Variants in PRKAA2 observed in about 807,000 individuals in gnomAD.
PRKAA2 encodes the protein protein kinase AMP-activated catalytic subunit alpha 2.
Under a neutral mutation model 56.3 loss-of-function variants are expected in PRKAA2, and 40 were observed. That is an observed-to-expected ratio of 0.71 (90% CI 0.55 to 0.92). The LOEUF is 0.92. Among genes scored for constraint, PRKAA2 ranks in the 40% least tolerant of loss-of-function variants. The probability of loss-of-function intolerance (pLI) is 0.00; values close to 1 mark genes in which losing one functional copy is unlikely to be tolerated. For synonymous variants in PRKAA2, 214 were observed against 234.2 expected, an observed-to-expected ratio of 0.91 and a Z score of 0.79; for missense variants, 542 against 686.9, an observed-to-expected ratio of 0.79 and a Z score of 2.36.
intron 1 of PRKAA2, among the ~76,000 whole-genome samples, chr1:56,653,029 A>T (rs1479851562): frequency 1.3e-5 from 2 of 152,130 alleles, no homozygotes; most frequent in Non-Finnish European, 2.9e-5. Context: ...GATGAATGAA[A>T]CAAGAATGAA....
At chr1:56,686,359 C>T (rs189363758) in intron 2 of PRKAA2, among the ~76,000 whole-genome samples, 7 of 152,294 alleles carry the variant, frequency 4.6e-5, no homozygotes, top group African/African-American at 1.7e-4. Context: ...TATGACTCAG[C>T]AGTTGCACTC....
In PRKAA2 at chr1:56,704,169, C is replaced by T. The variant is rs1211066064; in HGVS notation, c.987C>T (p.Asp329=). ...CAGTGGCTTATCATCTTATCATTGA[C>T]AATCGGAGAATAATGAACCAAGCCA... is the stretch of plus-strand genomic sequence containing the variant. ...QLAVAYHLII[D]NRRIMNQASE... Residue 329 remains aspartate (D), a synonymous_variant, in exon 7 of 9, where the codon GAC becomes GAT. Coordinates refer to ENST00000371244, the MANE Select transcript of PRKAA2 (RefSeq NM_006252.4). The T allele has an allele frequency of 1.2e-6, 2 of 1,614,114 alleles. No homozygotes were observed. Among genetic ancestry groups the T allele is most frequent in the Non-Finnish European group, 1.7e-6 (2 of 1,179,984 alleles).
intron 1 of PRKAA2, among the ~76,000 whole-genome samples, chr1:56,648,796 C>G (rs1415774765): frequency 2.6e-5 from 4 of 152,092 alleles, no homozygotes; most frequent in African/African-American, 9.7e-5. Context: ...TTTGCGTTTC[C>G]CTAAGGACTA....
At chr1:56,665,077 CTTT>C (rs76211899) in intron 1 of PRKAA2, among the ~76,000 whole-genome samples, 16 of 138,892 alleles carry the variant, frequency 1.2e-4, no homozygotes, top group Admixed American at 1.4e-4. Flanking sequence ...TAGTTCCTAT[CTTT>C]TTTTTTTTTT....
intron 1 of PRKAA2, among the ~76,000 whole-genome samples, chr1:56,658,992 G>A (rs1643970331): frequency 6.8e-6 from 1 of 147,082 alleles, no homozygotes; most frequent in Non-Finnish European, 1.5e-5. Flanking sequence ...TTGTAGAGAT[G>A]GGGTCTTCCT....
At chr1:56,664,741 G>A (rs2100394111) in intron 1 of PRKAA2, among the ~76,000 whole-genome samples, 2 of 152,046 alleles carry the variant, frequency 1.3e-5, no homozygotes, top group South Asian at 4.2e-4. Context: ...CTTAAACTCT[G>A]CGAGCCTGGG....
chr1:56,704,614 C>T (rs781263593), intron 7 of PRKAA2, 139 bp downstream of exon 7: 5 of 982,068 alleles, frequency 5.1e-6, no homozygotes, highest in Admixed American at 3.0e-5. Context: ...AACAAATAAC[C>T]TCTATAAGGA....
chr1:56,706,454 TGG>T (rs1644333032), intron 8 of PRKAA2, among the ~76,000 whole-genome samples: 1 of 152,234 alleles, frequency 6.6e-6, no homozygotes, highest in African/African-American at 2.4e-5. Flanking sequence ...TTTGAAGTGT[TGG>T]CCGTGGAGCA....
intron 1 of PRKAA2, among the ~76,000 whole-genome samples, chr1:56,659,011 A>C (rs1266339648): frequency 6.8e-6 from 1 of 146,780 alleles, no homozygotes; most frequent in Non-Finnish European, 1.5e-5. Flanking sequence ...CTATGTTGCC[A>C]GGGCTGGTCT....
chr1:56,655,535 T>A (rs993739301), intron 1 of PRKAA2, among the ~76,000 whole-genome samples: 3 of 151,894 alleles, frequency 2.0e-5, no homozygotes, highest in African/African-American at 7.3e-5. Flanking sequence ...TTTGCTGTGT[T>A]TAGTCATACG....
At chr1:56,647,010 AG>A (rs1454709585) in intron 1 of PRKAA2, among the ~76,000 whole-genome samples, 4 of 152,224 alleles carry the variant, frequency 2.6e-5, no homozygotes, top group Non-Finnish European at 5.9e-5. Context: ...GAATCAGGGA[AG>A]GGAAGATAGA....
In PRKAA2 at chr1:56,709,388, T is replaced by C. The variant is rs1382833340; in HGVS notation, c.*1675T>C. 8 of 152,162 alleles carry C rather than the reference T, an allele frequency of 5.3e-5. No homozygotes were observed. Among genetic ancestry groups the C allele is most frequent in the African/African-American group, 1.9e-4 (8 of 41,436 alleles). 9.4% of individuals were successfully genotyped at this position (152,162 alleles called of 1,614,324 possible). Reference sequence around the variant, plus strand: ...AACTTATAAGTCCAACTTCTTAATATCAAGATAAATGAATAGTTCACCAAT... The same window carrying C: ...AACTTATAAGTCCAACTTCTTAATACCAAGATAAATGAATAGTTCACCAAT... On this transcript the variant is annotated 3_prime_UTR_variant, in exon 9 of 9. Transcript: ENST00000371244.
At chr1:56,700,836 C>T (rs1245734982) in intron 6 of PRKAA2, among the ~76,000 whole-genome samples, 1 of 152,026 alleles carries the variant, frequency 6.6e-6, no homozygotes, top group Non-Finnish European at 1.5e-5. Context: ...CCTCAATGCC[C>T]CAGTGATTGT....
rs2100428181 is a variant in PRKAA2 at position 56,696,055 on chromosome 1, G to C, written c.684G>C (p.Gly228=). Residue 228 remains glycine (G), a synonymous_variant, in exon 6 of 9, where the codon GGG becomes GGC. Transcript: ENST00000371244. ...CTACGTTATTTAAGAAGATCCGAGG[G>C]GGTGTCTTTTATATCCCAGAATATC... ...HVPTLFKKIR[G]GVFYIPEYLN... is the part of the protein sequence containing the mutation. 1 of 1,612,572 alleles carries C rather than the reference G, an allele frequency of 6.2e-7. No homozygotes were observed. Among genetic ancestry groups the C allele is most frequent in the African/African-American group, 1.3e-5 (1 of 74,502 alleles).
At chr1:56,655,280 A>ATATATATATATATTTTTTTTTTTTTTT in intron 1 of PRKAA2, among the ~76,000 whole-genome samples, 3 of 93,652 alleles carry the variant, frequency 3.2e-5, no homozygotes, top group African/African-American at 9.1e-5. Context: ...ATATATATAT[A>ATATATATATATATTTTTTTTTTTTTTT]TTTTTTTTTT....
At chr1:56,690,451 G>A (rs537027858) in intron 2 of PRKAA2, among the ~76,000 whole-genome samples, 6 of 152,288 alleles carry the variant, frequency 3.9e-5, no homozygotes, top group East Asian at 1.9e-4. Context: ...TTACAGGCGT[G>A]AGCCACCACG....
At chr1:56,654,526 T>C (rs1319336454) in intron 1 of PRKAA2, among the ~76,000 whole-genome samples, 1 of 152,156 alleles carries the variant, frequency 6.6e-6, no homozygotes, top group African/African-American at 2.4e-5. Flanking sequence ...AAGCATTAAA[T>C]ATGTTATAAA....
chr1:56,704,480 G>T lies in PRKAA2; in HGVS notation c.1293+5G>T. On this transcript the variant is annotated splice_donor_5th_base_variant and intron_variant, in intron 7 of 8. Coordinates refer to ENST00000371244, the MANE Select transcript of PRKAA2 (RefSeq NM_006252.4). ...CAGCTGGATTTTGAATGGAAGGTAGGAAATTATAATGTAATAAGATCATTT... is the reference window on the plus strand; with the variant it reads ...CAGCTGGATTTTGAATGGAAGGTAGTAAATTATAATGTAATAAGATCATTT... 6.3e-7 allele frequency: 1 copy of T among 1,580,990 alleles called. No individual in the cohort carries two copies. Among genetic ancestry groups the T allele is most frequent in the South Asian group, 1.2e-5 (1 of 84,850 alleles).
At position 56,710,157 on chromosome 1, in the gene PRKAA2, C is replaced by T. The variant is rs1436550360; in HGVS notation, c.*2444C>T. Reference sequence around the variant, plus strand: ...TCTGAATGTGATAGGTAGATGTGGGCTAAGAATAATTTCCTCCAGTGAAGA... The same window carrying T: ...TCTGAATGTGATAGGTAGATGTGGGTTAAGAATAATTTCCTCCAGTGAAGA... On this transcript the variant is annotated 3_prime_UTR_variant, in exon 9 of 9. Transcript: ENST00000371244. 1 of 152,010 alleles carries T rather than the reference C, an allele frequency of 6.6e-6. No homozygotes were observed. The highest frequency in any genetic ancestry group is 2.4e-5 in the African/African-American group (1 of 41,410). The allele number at this position is 152,010 out of a possible 1,614,324, so 9.4% of individuals were successfully genotyped here.
Sources: gnomAD v4.1 joint callset for allele counts (sites outside exome capture counted in the v4.1 genomes callset) on GRCh38, gnomAD v4.1.1 for gene constraint, MANE v1.5 for transcripts, NCBI Gene and HGNC (gene_info 2026-07-23, HGNC 2026-07-21) for gene names.